The following B3GALT1 variants were observed in gnomAD, a reference collection of about 807,000 sequenced individuals.
The protein encoded by B3GALT1 is beta-1,3-galactosyltransferase 1, also known as UDP-Gal:betaGlcNAc beta 1,3-galactosyltransferase, polypeptide 1.
A neutral mutation model predicts 23.2 loss-of-function variants in B3GALT1; 10 were observed. The ratio of observed to expected loss-of-function variants is 0.43; its 90% CI spans 0.27 to 0.73. B3GALT1 has a LOEUF of 0.73. B3GALT1 is among the 30% of genes least tolerant of loss of function. The pLI is 0.21. For missense variants in B3GALT1, 299 were observed against 405.4 expected, an observed-to-expected ratio of 0.74 and a Z score of 2.25; for synonymous variants, 156 against 141.5, an observed-to-expected ratio of 1.10 and a Z score of -0.73.
chr2:167,791,890 A>G (rs760522077), intron 3 of B3GALT1, among the ~76,000 whole-genome samples: 206 of 98,528 alleles, frequency 2.1e-3, no homozygotes, highest in Non-Finnish European at 3.6e-3. Context: ...CTGCTCCTAG[A>G]AAAAAAAAAA....
intron 1 of B3GALT1, among the ~76,000 whole-genome samples, chr2:167,424,952 A>G (rs971786628): frequency 1.3e-5 from 2 of 152,210 alleles, no homozygotes; most frequent in African/African-American, 4.8e-5. Context: ...TTTTAACCAA[A>G]TGCGCACACA....
At chr2:167,479,799 A>C (rs147176997) in intron 1 of B3GALT1, among the ~76,000 whole-genome samples, 2 of 152,254 alleles carry the variant, frequency 1.3e-5, no homozygotes, top group African/African-American at 2.4e-5. Flanking sequence ...AAGTAATGCG[A>C]TGCTAGCCAC....
intron 4 of B3GALT1, among the ~76,000 whole-genome samples, chr2:167,825,463 C>CGT (rs771779416): frequency 1.6e-4 from 21 of 132,282 alleles, no homozygotes; most frequent in East Asian, 8.2e-4. Flanking sequence ...TGTGCGTGCA[C>CGT]GTGTGTGTGT....
chr2:167,302,385 T>C (rs937773268), intron 1 of B3GALT1, among the ~76,000 whole-genome samples: 1 of 152,074 alleles, frequency 6.6e-6, no homozygotes, highest in African/African-American at 2.4e-5. Flanking sequence ...GATAATGGCT[T>C]TGGGCTCCAG....
At chr2:167,503,540 A>G (rs926162365) in intron 2 of B3GALT1, among the ~76,000 whole-genome samples, 2 of 152,228 alleles carry the variant, frequency 1.3e-5, no homozygotes, top group Admixed American at 1.3e-4. Flanking sequence ...GTGATCGCCA[A>G]CCTACATTTC....
intron 4 of B3GALT1, among the ~76,000 whole-genome samples, chr2:167,824,075 T>A (rs950800558): frequency 6.6e-6 from 1 of 152,192 alleles, no homozygotes. Flanking sequence ...AGCTGAGAAG[T>A]TGGGAAGAAT....
intron 1 of B3GALT1, among the ~76,000 whole-genome samples, chr2:167,464,783 G>T (rs1056836792): frequency 1.3e-5 from 2 of 152,164 alleles, no homozygotes; most frequent in African/African-American, 4.8e-5. Flanking sequence ...TGCAATGAAT[G>T]AAGTTACAGT....
intron 4 of B3GALT1, among the ~76,000 whole-genome samples, chr2:167,837,884 C>A (rs529784827): frequency 6.6e-6 from 1 of 151,976 alleles, no homozygotes; most frequent in Non-Finnish European, 1.5e-5. Flanking sequence ...CACTCAAAAC[C>A]GCTCAACTAC....
chr2:167,845,256 G>A (rs1485840292), intron 4 of B3GALT1, among the ~76,000 whole-genome samples: 4 of 152,098 alleles, frequency 2.6e-5, no homozygotes, highest in Non-Finnish European at 2.9e-5. Flanking sequence ...GTGCTCTCTG[G>A]AAAGCGCCAC....
intron 2 of B3GALT1, among the ~76,000 whole-genome samples, chr2:167,645,596 C>G (rs1261465437): frequency 2.4e-5 from 3 of 126,972 alleles, no homozygotes. Flanking sequence ...GAGTCTCACT[C>G]TGTCACCCAG....
At chr2:167,867,354 C>T (rs1167095676) in intron 4 of B3GALT1, among the ~76,000 whole-genome samples, 1 of 152,110 alleles carries the variant, frequency 6.6e-6, no homozygotes, top group African/African-American at 2.4e-5. Context: ...AGAAATTTCT[C>T]CCGGGAGGAC....
intron 1 of B3GALT1, among the ~76,000 whole-genome samples, chr2:167,440,645 G>GT (rs1232812046): frequency 3.3e-5 from 5 of 150,910 alleles, no homozygotes; most frequent in South Asian, 2.1e-4. Context: ...ATGTCCAAGT[G>GT]TTTTTTTTAA....
At chr2:167,669,144 A>G (rs1363128935) in intron 3 of B3GALT1, among the ~76,000 whole-genome samples, 1 of 152,102 alleles carries the variant, frequency 6.6e-6, no homozygotes, top group Non-Finnish European at 1.5e-5. Context: ...CACTCCTCCT[A>G]AGAACAGAAT....
chr2:167,707,831 A>G (rs1679421549), intron 3 of B3GALT1, among the ~76,000 whole-genome samples: 1 of 152,230 alleles, frequency 6.6e-6, no homozygotes, highest in Non-Finnish European at 1.5e-5. Context: ...CACAACACGT[A>G]AGGGCAAGAA....
chr2:167,496,453 A>G (rs183231363), intron 2 of B3GALT1, among the ~76,000 whole-genome samples: 167 of 152,320 alleles, frequency 1.1e-3, no homozygotes, highest in African/African-American at 3.8e-3. Context: ...CTAATTGGCT[A>G]ATTACCGTGA....
intron 4 of B3GALT1, among the ~76,000 whole-genome samples, chr2:167,844,246 A>G (rs970039520): frequency 3.9e-5 from 6 of 152,224 alleles, no homozygotes; most frequent in Admixed American, 3.9e-4. Context: ...ATCATGGTGG[A>G]CGGGAGGCAG....
At chr2:167,437,536 C>T (rs1056247529) in intron 1 of B3GALT1, among the ~76,000 whole-genome samples, 1 of 152,128 alleles carries the variant, frequency 6.6e-6, no homozygotes, top group Non-Finnish European at 1.5e-5. Context: ...ATGTAATTTT[C>T]TCAGAATTGG....
intron 1 of B3GALT1, among the ~76,000 whole-genome samples, chr2:167,472,851 T>C (rs577029135): frequency 6.6e-6 from 1 of 152,270 alleles, no homozygotes; most frequent in South Asian, 2.1e-4. Flanking sequence ...TATCAGTATT[T>C]CCATTTGTTT....
At chr2:167,352,426 T>C (rs1279324552) in intron 1 of B3GALT1, among the ~76,000 whole-genome samples, 1 of 151,476 alleles carries the variant, frequency 6.6e-6, no homozygotes, top group African/African-American at 2.4e-5. Context: ...ATAATTAAGA[T>C]ATCTCGAAAC....
Sources: allele counts gnomAD v4.1 joint callset (sites outside exome capture counted in the v4.1 genomes callset), GRCh38; gene constraint gnomAD v4.1.1; transcripts MANE v1.5; gene names NCBI Gene and HGNC (gene_info 2026-07-23, HGNC 2026-07-21).